NLRP13: variants seen among roughly 807,000 people sequenced by gnomAD.
NLRP13 encodes the protein NLR family pyrin domain containing 13.
Under a neutral mutation model 94.4 loss-of-function variants are expected in NLRP13, and 82 were observed. The observed-to-expected ratio is 0.87, with a 90% CI of 0.73 to 1.04. NLRP13 has a LOEUF of 1.04. NLRP13 is among the 50% of genes least tolerant of loss of function. NLRP13 has a pLI of 0.00. For missense variants in NLRP13, 1,426 were observed against 1,230.8 expected, an observed-to-expected ratio of 1.16 and a Z score of -2.37; for synonymous variants, 553 against 464.7, an observed-to-expected ratio of 1.19 and a Z score of -2.45.
Position 55,905,390 on chromosome 19 carries a change from C to CAT in NLRP13, c.2448-280_2448-279dup, listed in dbSNP as rs746843121. On this transcript the variant is annotated intron_variant, in intron 7 of 10. Coordinates refer to ENST00000342929, the MANE Select transcript of NLRP13 (RefSeq NM_176810.2). ...AACCTCATCTCCACTAAAGAAAATACATATATATATACATACATATATATA... is the reference window on the plus strand; with the variant it reads ...AACCTCATCTCCACTAAAGAAAATACATATATATATATACATACATATATATA... Among the ~76,000 whole-genome samples the CAT allele has an allele frequency of 2.0e-3, 290 of 146,668 alleles. 2 individuals carry two copies. Among genetic ancestry groups the CAT allele is most frequent in the Non-Finnish European group, 2.5e-3 (167 of 66,472 alleles).
At chr19:55,921,881 C>G (rs1600276023) in intron 4 of NLRP13, among the ~76,000 whole-genome samples, 1 of 152,132 alleles carries the variant, frequency 6.6e-6, no homozygotes, top group East Asian at 1.9e-4. Context: ...TTCCCCAGAG[C>G]CTTTCTACTG....
intron 7 of NLRP13, among the ~76,000 whole-genome samples, chr19:55,906,951 G>A (rs1986370887): frequency 8.4e-6 from 1 of 119,760 alleles, no homozygotes; most frequent in African/African-American, 3.5e-5. Context: ...TTGAGTTCCT[G>A]GGATCTGTAT....
downstream of NLRP13, chr19:55,891,759 G>T: frequency 3.6e-6 from 1 of 277,112 alleles, no homozygotes; most frequent in East Asian, 6.4e-5. Flanking sequence ...ACACCAAGGA[G>T]GACATAGACA....
At chr19:55,892,156 T>G, downstream of NLRP13, 1 of 1,230,118 alleles carries the variant, frequency 8.1e-7, no homozygotes, top group Non-Finnish European at 1.0e-6. Flanking sequence ...TTAGAAGCAG[T>G]GAAGAAGTTT....
At chr19:55,916,138 G>A (rs537055157) in intron 4 of NLRP13, among the ~76,000 whole-genome samples, 2 of 152,150 alleles carry the variant, frequency 1.3e-5, no homozygotes, top group East Asian at 1.9e-4. Flanking sequence ...GGAATTTATA[G>A]AGTCTTTGTC....
rs574504902 is a variant in NLRP13, at chr19:55,913,127, C to A, written c.690G>T (p.Thr230=). ...DPNRTRAQAQ[T]IVLVGRAGVG... ...CCCCTGCCCTCCCCACCAAGACTAT[C>A]GTCTGGGCCTGGGCTCTAGTCCTAT... The change falls in exon 5 of 11, where the codon ACG becomes ACT. Residue 230 remains threonine (T), a synonymous_variant. Coordinates refer to ENST00000342929, the MANE Select transcript of NLRP13 (RefSeq NM_176810.2). The A allele has an allele frequency of 1.2e-6, 2 of 1,614,148 alleles. No homozygotes were observed. The highest frequency in any genetic ancestry group is 1.7e-4 in the Middle Eastern group (1 of 6,060).
At chr19:55,930,191 A>G (rs1217923400) in intron 1 of NLRP13, among the ~76,000 whole-genome samples, 2 of 152,170 alleles carry the variant, frequency 1.3e-5, no homozygotes, top group Non-Finnish European at 2.9e-5. Flanking sequence ...GAAGCTGTAC[A>G]AGGTCAAGCA....
intron 1 of NLRP13, among the ~76,000 whole-genome samples, chr19:55,930,053 C>T (rs973769525): frequency 1.3e-5 from 2 of 152,166 alleles, no homozygotes; most frequent in African/African-American, 4.8e-5. Context: ...TCTCATCCTC[C>T]TTTCCACCAG....
intron 4 of NLRP13, among the ~76,000 whole-genome samples, chr19:55,918,682 T>C (rs1986735758): frequency 6.6e-6 from 1 of 151,938 alleles, no homozygotes; most frequent in Non-Finnish European, 1.5e-5. Flanking sequence ...GGAATAAATA[T>C]AAATCCTGAA....
chr19:55,920,580 G>T (rs1459447850), intron 4 of NLRP13, among the ~76,000 whole-genome samples: 1 of 151,978 alleles, frequency 6.6e-6, no homozygotes, highest in Non-Finnish European at 1.5e-5. Flanking sequence ...GCAGAGAAAT[G>T]CAAATTAAAG....
At chr19:55,906,330 T>C (rs573877114) in intron 7 of NLRP13, among the ~76,000 whole-genome samples, 6 of 25,596 alleles carry the variant, frequency 2.3e-4, no homozygotes, top group Middle Eastern at 0.045. Flanking sequence ...AGAGTGAGAC[T>C]CCATCTCAAA....
Position 55,913,084 on chromosome 19 carries a change from C to T in NLRP13, c.733G>A (p.Ala245Thr). The T allele has an allele frequency of 6.2e-7, 1 of 1,614,140 alleles. No homozygotes were observed. The highest frequency in any genetic ancestry group is 8.5e-7 in the Non-Finnish European group (1 of 1,180,032). ...GCCCAGTGCAGCATAGCCTGCATTG[C>T]CAAGGTGGTCTTCCCAACCCCTGCC... The part of the protein sequence containing the change: ...GRAGVGKTTL[A>T]MQAMLHWANG... The change falls in exon 5 of 11, where the codon GCA (alanine) becomes ACA (threonine). Residue 245 changes from alanine (A) to threonine (T), a missense_variant. Ala to Thr is a moderately conservative substitution (Grantham distance 58). Coordinates refer to ENST00000342929, the MANE Select transcript of NLRP13 (RefSeq NM_176810.2).
At chr19:55,901,196 C>T (rs1986160545) in intron 9 of NLRP13, among the ~76,000 whole-genome samples, 1 of 152,220 alleles carries the variant, frequency 6.6e-6, no homozygotes, top group Non-Finnish European at 1.5e-5. Flanking sequence ...CTCAGCAAAG[C>T]AAATTTACCT....
At chr19:55,903,694 C>T (rs1476402978) in intron 8 of NLRP13, among the ~76,000 whole-genome samples, 3 of 152,116 alleles carry the variant, frequency 2.0e-5, no homozygotes, top group Non-Finnish European at 4.4e-5. Flanking sequence ...ACCTAGCTGC[C>T]AACCTCACCC....
chr19:55,893,047 T>A (rs112918407), downstream of NLRP13, among the ~76,000 whole-genome samples: 1 of 152,134 alleles, frequency 6.6e-6, no homozygotes, highest in African/African-American at 2.4e-5. Flanking sequence ...CAAACTGATA[T>A]AAAGCATAAT....
intron 1 of NLRP13, among the ~76,000 whole-genome samples, chr19:55,925,729 C>T (rs1056009507): frequency 6.6e-6 from 1 of 152,176 alleles, no homozygotes; most frequent in African/African-American, 2.4e-5. Flanking sequence ...ATAGCTGCTA[C>T]AGGACAATAC....
intron 6 of NLRP13, among the ~76,000 whole-genome samples, chr19:55,909,939 C>T (rs563836904): frequency 3.3e-5 from 5 of 152,288 alleles, no homozygotes; most frequent in Middle Eastern, 3.4e-3. Context: ...GCCCTTCTGC[C>T]TTTCCTACCT....
At chr19:55,925,946 C>T (rs569959010) in intron 1 of NLRP13, among the ~76,000 whole-genome samples, 17 of 152,212 alleles carry the variant, frequency 1.1e-4, no homozygotes, top group South Asian at 4.2e-4. Context: ...TCCACAGACC[C>T]TACCTGTGGA....
intron 10 of NLRP13, 110 bp downstream of exon 10, chr19:55,898,660 G>T: frequency 8.5e-7 from 1 of 1,182,228 alleles, no homozygotes; most frequent in Non-Finnish European, 1.2e-6. Flanking sequence ...TTCTTAGATG[G>T]CTTGTCCTTA....
Sources: gnomAD v4.1 joint callset for allele counts (sites outside exome capture counted in the v4.1 genomes callset) on GRCh38, gnomAD v4.1.1 for gene constraint, MANE v1.5 for transcripts, NCBI Gene and HGNC (gene_info 2026-07-23, HGNC 2026-07-21) for gene names.